PRPS1: variants seen among roughly 807,000 people sequenced by gnomAD.
PRPS1 encodes the protein ribose-phosphate pyrophosphokinase 1.
PRPS1 carries 1 observed loss-of-function variant against 16.9 expected under a neutral mutation model. The ratio of observed to expected loss-of-function variants is 0.06; its 90% confidence interval spans 0.02 to 0.28. PRPS1 has a LOEUF of 0.28. Among genes scored for constraint, PRPS1 ranks in the 10% least tolerant of loss-of-function variants. The pLI is 1.00. For missense variants in PRPS1, 47 were observed against 254.0 expected (o/e 0.19, Z 5.54); for synonymous variants, 70 against 90.2 (o/e 0.78, Z 1.27).
At position 107,647,768 on chromosome X, in the gene PRPS1, G is replaced by A. The variant is rs1925734466; in HGVS notation, c.864+3G>A. 3 of 1,210,894 alleles carry A rather than the reference G, an allele frequency of 2.5e-6. No individual in the cohort carries two copies. The highest frequency in any genetic ancestry group is 3.4e-6 in the Non-Finnish European group (3 of 894,791). On this transcript the variant is annotated splice_donor_region_variant and intron_variant, in intron 6 of 6. Transcript: ENST00000372435. ...TGAAGCATTGCTCCAAAATACAGGT[G>A]AGGATGAGATTTGTGCAAAACAAGA...
chrX:107,641,003 A>G lies in PRPS1; in HGVS notation c.405+3A>G. The G allele has an allele frequency of 8.3e-7, 1 of 1,211,989 alleles. No individual in the cohort carries two copies. The highest frequency in any genetic ancestry group is 1.1e-6 in the Non-Finnish European group (1 of 895,567). On this transcript the variant is annotated splice_donor_region_variant and intron_variant, in intron 3 of 6. Coordinates refer to ENST00000372435, the MANE Select transcript of PRPS1 (RefSeq NM_002764.4). ...ACCTACATGCTTCTCAAATTCAGGTATCAGTGGAAGCTAAATATTGGTGTT... is the reference window on the plus strand; with the variant it reads ...ACCTACATGCTTCTCAAATTCAGGTGTCAGTGGAAGCTAAATATTGGTGTT...
At chrX:107,637,514 A>G (rs1436237053) in intron 1 of PRPS1, among the ~76,000 whole-genome samples, 1 of 111,579 alleles carries the variant, frequency 9.0e-6, no homozygotes, top group East Asian at 2.8e-4. Flanking sequence ...GTGATGCATC[A>G]AATTTTATGT....
At chrX:107,639,573 G>A (rs11797233) in intron 2 of PRPS1, 95 bp downstream of exon 2, 1 of 924,070 alleles carries the variant, frequency 1.1e-6, no homozygotes, top group African/African-American at 2.0e-5. Flanking sequence ...ATATTTAGGG[G>A]GAATTTTAAA....
intron 4 of PRPS1, among the ~76,000 whole-genome samples, chrX:107,643,907 T>A (rs1031573587): frequency 7.2e-5 from 8 of 111,782 alleles, no homozygotes; most frequent in Admixed American, 9.5e-5. Flanking sequence ...GGTCACAGGT[T>A]CTCACTTATC....
chrX:107,641,810 C>T (rs1332907338), intron 3 of PRPS1, among the ~76,000 whole-genome samples: 1 of 112,125 alleles, frequency 8.9e-6, no homozygotes, highest in Non-Finnish European at 1.9e-5. Flanking sequence ...CAATGAAGTA[C>T]ATTGGACAGG....
rs774335201 is a variant in PRPS1, at chrX:107,645,764, A to G, written c.704+414A>G. Among the ~76,000 whole-genome samples, 8 of 111,484 alleles carry G rather than the reference A, an allele frequency of 7.2e-5. No homozygotes were observed. In the South Asian group the frequency reaches 3.0e-3, roughly 42 times the overall value. On this transcript the variant is annotated intron_variant, in intron 5 of 6. Coordinates refer to ENST00000372435, the MANE Select transcript of PRPS1 (RefSeq NM_002764.4). ...TGAGCAGACAGGTGTGTGTGCTCAT[A>G]TTTTTATTTTACCTAAGCCGGAACC...
intron 4 of PRPS1, among the ~76,000 whole-genome samples, chrX:107,644,641 C>T (rs999794222): frequency 9.0e-6 from 1 of 111,532 alleles, no homozygotes; most frequent in Non-Finnish European, 1.9e-5. Flanking sequence ...TTGATCAGTA[C>T]GTTCATAAGC....
In PRPS1 at chrX:107,630,738, A is replaced by AACACACAC. The variant is rs111543861; in HGVS notation, c.122+2017_122+2024dup. Among the ~76,000 whole-genome samples the AACACACAC allele has an allele frequency of 3.7e-3, 353 of 95,932 alleles. 5 individuals carry two copies. Among genetic ancestry groups the AACACACAC allele is most frequent in the African/African-American group, 0.013 (329 of 25,501 alleles). The allele number at this position is 95,932 out of a possible 115,157, so 83.3% of individuals were successfully genotyped here. A position where few individuals can be genotyped will look rare whatever the true frequency, so the allele number is the denominator to read the frequency against. On this transcript the variant is annotated intron_variant, in intron 1 of 6. Transcript: ENST00000372435. ...TCCTTGGCTGTCTGGTTATTTAGGA[A>AACACACAC]ACACACACACACACACACACACACA...
At chrX:107,634,251 G>A (rs1925373244) in intron 1 of PRPS1, among the ~76,000 whole-genome samples, 1 of 110,078 alleles carries the variant, frequency 9.1e-6, no homozygotes, top group African/African-American at 3.3e-5. Context: ...GTCTAGCTCT[G>A]TCTCCCAGGC....
At chrX:107,649,207 C>T (rs1020744749) in intron 6 of PRPS1, among the ~76,000 whole-genome samples, 2 of 111,461 alleles carry the variant, frequency 1.8e-5, no homozygotes, top group African/African-American at 3.3e-5. Context: ...GCCTTAGCCT[C>T]ACAAGTAGCT....
In PRPS1 at chrX:107,649,935, T is replaced by C; in HGVS notation, c.865-5T>C. The C allele has an allele frequency of 8.3e-7, 1 of 1,212,010 alleles. No homozygotes were observed. The highest frequency in any genetic ancestry group is 1.1e-6 in the Non-Finnish European group (1 of 895,572). On this transcript the variant is annotated splice_polypyrimidine_tract_variant and splice_region_variant and intron_variant, in intron 6 of 6. Coordinates refer to ENST00000372435, the MANE Select transcript of PRPS1 (RefSeq NM_002764.4). The stretch of plus-strand genomic sequence containing the variant: ...GTAACCTGATTTCCTTTCTTGCCTT[T>C]CTAGGTGATTGACATCTCTATGATC...
rs116616666 is a variant in PRPS1, at chrX:107,641,894, C to T, written c.406-472C>T. On this transcript the variant is annotated intron_variant, in intron 3 of 6. Transcript: ENST00000372435. The stretch of plus-strand genomic sequence containing the variant: ...TAATTTGTATCAACTAGAATTAGAA[C>T]ACAGATCTCCTGATTTCTAATTATT... Among the ~76,000 whole-genome samples the T allele has an allele frequency of 6.4e-3, 716 of 112,391 alleles. 6 individuals are homozygous for T. Among genetic ancestry groups the T allele is most frequent in the African/African-American group, 0.022 (683 of 31,019 alleles).
Position 107,650,033 on chromosome X carries a change from T to C in PRPS1, c.*1T>C, listed in dbSNP as rs1177037244. ...CCTATTCAGCCATGTCCCTTTATAA[T>C]AGAGTAACTTCTGAGGCTTTTTGAG... On this transcript the variant is annotated 3_prime_UTR_variant, in exon 7 of 7. Coordinates refer to ENST00000372435, the MANE Select transcript of PRPS1 (RefSeq NM_002764.4). 1.7e-6 allele frequency: 2 copies of C among 1,211,883 alleles called. No individual in the cohort carries two copies. Among genetic ancestry groups the C allele is most frequent in the Admixed American group, 2.2e-5 (1 of 46,035 alleles).
intron 1 of PRPS1, among the ~76,000 whole-genome samples, chrX:107,633,314 C>T (rs895644370): frequency 3.8e-5 from 4 of 106,304 alleles, no homozygotes; most frequent in African/African-American, 6.9e-5. Context: ...CCCAGCTACT[C>T]GGGAGGCTGA....
intron 1 of PRPS1, among the ~76,000 whole-genome samples, chrX:107,630,977 G>A (rs1035497173): frequency 8.9e-6 from 1 of 111,766 alleles, no homozygotes; most frequent in African/African-American, 3.3e-5. Context: ...AAGGGGTGGT[G>A]ATAATATTGC....
At chrX:107,644,781 C>T (rs1369617079) in intron 4 of PRPS1, among the ~76,000 whole-genome samples, 1 of 111,329 alleles carries the variant, frequency 9.0e-6, no homozygotes, top group Admixed American at 9.6e-5. Flanking sequence ...TTCTCCTCCC[C>T]AAAACAAGCC....
rs1429751542 is a variant in PRPS1, at chrX:107,649,499, G to A, written c.865-441G>A. Among the ~76,000 whole-genome samples the A allele has an allele frequency of 9.1e-5, 10 of 110,444 alleles. No individual in the cohort carries two copies. The East Asian group carries it at 2.6e-3, about 29-fold the overall frequency. ...AGACAGAGTCTCGCTCTGTCACCCAGGCTGGAGTGCAGTGGCACGATCTTG... is the reference window on the plus strand; with the variant it reads ...AGACAGAGTCTCGCTCTGTCACCCAAGCTGGAGTGCAGTGGCACGATCTTG... On this transcript the variant is annotated intron_variant, in intron 6 of 6. Coordinates refer to ENST00000372435, the MANE Select transcript of PRPS1 (RefSeq NM_002764.4).
chrX:107,637,950 A>ATATT (rs1411479537), intron 1 of PRPS1, among the ~76,000 whole-genome samples: 11 of 98,363 alleles, frequency 1.1e-4, no homozygotes, highest in Non-Finnish European at 1.8e-4. Context: ...ATATATATAT[A>ATATT]TTTTTTTGAT....
At position 107,633,630 on chromosome X, in the gene PRPS1, A is replaced by T. The variant is rs751317330; in HGVS notation, c.122+4880A>T. ...TGTGATGTTAGAATATGTATATTTT[A>T]AAAATAATCACCTTGGCTGGGTGCG... On this transcript the variant is annotated intron_variant, in intron 1 of 6. Coordinates refer to ENST00000372435, the MANE Select transcript of PRPS1 (RefSeq NM_002764.4). Among the ~76,000 whole-genome samples, 280 of 111,515 alleles carry T rather than the reference A, an allele frequency of 2.5e-3. 1 individual carries two copies. The highest frequency in any genetic ancestry group is 8.4e-3 in the African/African-American group (257 of 30,693).
Sources: allele counts gnomAD v4.1 joint callset (sites outside exome capture counted in the v4.1 genomes callset), GRCh38; gene constraint gnomAD v4.1.1; transcripts MANE v1.5; gene names NCBI Gene and HGNC (gene_info 2026-07-23, HGNC 2026-07-21).